The following PDZD2 variants were observed in gnomAD, a reference collection of about 807,000 sequenced individuals.
PDZD2 encodes the protein PDZ domain containing 2.
In PDZD2, 90 loss-of-function variants were observed where a neutral mutation model predicts 220.7. That is an observed-to-expected ratio of 0.41 (90% confidence interval 0.34 to 0.49). The LOEUF (loss-of-function observed/expected upper bound fraction) is 0.49, where lower values mean the gene tolerates loss of function less well. PDZD2 is among the 20% of genes least tolerant of loss of function. The probability of loss-of-function intolerance (pLI) is 0.28; values close to 1 mark genes in which losing one functional copy is unlikely to be tolerated. For synonymous variants in PDZD2, 1,375 were observed against 1,450.5 expected (o/e 0.95, Z 1.18); for missense variants, 3,174 against 3,608.5 (o/e 0.88, Z 3.08).
At chr5:31,847,837 G>A (rs1757676697) in intron 2 of PDZD2, 2 of 549,196 alleles carry the variant, frequency 3.6e-6, no homozygotes, top group African/African-American at 3.8e-5. Flanking sequence ...GGAACTTAAT[G>A]CAGAAGTTAA....
intron 2 of PDZD2, among the ~76,000 whole-genome samples, chr5:31,887,899 T>C (rs1740662743): frequency 6.6e-6 from 1 of 152,066 alleles, no homozygotes; most frequent in Admixed American, 6.6e-5. Flanking sequence ...CACATAGCTT[T>C]GAAAGGCTGC....
intron 14 of PDZD2, among the ~76,000 whole-genome samples, chr5:32,061,945 T>A (rs906448969): frequency 6.6e-6 from 1 of 152,212 alleles, no homozygotes; most frequent in African/African-American, 2.4e-5. Flanking sequence ...TTAAAAATAT[T>A]TTTTTAAATA....
At chr5:31,763,723 G>A (rs1441026501) in intron 1 of PDZD2, among the ~76,000 whole-genome samples, 3 of 151,986 alleles carry the variant, frequency 2.0e-5, no homozygotes, top group African/African-American at 7.3e-5. Flanking sequence ...GAAACCAGAG[G>A]CTCCTATACC....
At chr5:31,939,693 A>C (rs978400896) in intron 2 of PDZD2, among the ~76,000 whole-genome samples, 1 of 152,224 alleles carries the variant, frequency 6.6e-6, no homozygotes, top group Non-Finnish European at 1.5e-5. Context: ...CGTGCAAGCC[A>C]TGAGCAGCCC....
rs940470787 is a variant in PDZD2, at chr5:31,793,764, G to A, written c.-360-5125G>A. The stretch of plus-strand genomic sequence containing the variant: ...GGAGGTTGCAGTGAGCCCAGATCGC[G>A]CCATTGCACTCCAGCATGGGCAACA... On this transcript the variant is annotated intron_variant, in intron 1 of 24. Coordinates refer to ENST00000438447, the MANE Select transcript of PDZD2 (RefSeq NM_178140.4). 3.3e-5 allele frequency among the ~76,000 whole-genome samples: 5 copies of A among 152,164 alleles called. No homozygotes were observed. In the East Asian group the frequency reaches 5.8e-4, roughly 18 times the overall value.
chr5:31,725,637 T>A, intron 1 of PDZD2: 2 of 1,197,696 alleles, frequency 1.7e-6, no homozygotes, highest in Non-Finnish European at 2.5e-6. Context: ...CTTTTTTCCT[T>A]GATTCCTTTT....
chr5:31,875,899 T>C (rs900902565), intron 2 of PDZD2, among the ~76,000 whole-genome samples: 1 of 152,058 alleles, frequency 6.6e-6, no homozygotes, highest in Non-Finnish European at 1.5e-5. Flanking sequence ...TAATATTTGA[T>C]AGAATGAGTC....
intron 2 of PDZD2, among the ~76,000 whole-genome samples, chr5:31,884,538 T>C (rs2150340292): frequency 1.3e-5 from 2 of 152,262 alleles, no homozygotes; most frequent in African/African-American, 4.8e-5. Flanking sequence ...GGGATTCCAC[T>C]GCACTCCAGA....
chr5:32,092,322 C>CA (rs759166373), intron 20 of PDZD2, among the ~76,000 whole-genome samples: 1 of 146,756 alleles, frequency 6.8e-6, no homozygotes, highest in Non-Finnish European at 1.5e-5. Context: ...CCTATAGTCC[C>CA]AGCACTTTGG....
intron 3 of PDZD2, among the ~76,000 whole-genome samples, chr5:31,986,581 A>G (rs1445416460): frequency 6.7e-6 from 1 of 149,764 alleles, no homozygotes; most frequent in Non-Finnish European, 1.5e-5. Flanking sequence ...AGTCCAGGAC[A>G]GAGATCAAGG....
chr5:31,984,249 C>T (rs1750535284), intron 3 of PDZD2, among the ~76,000 whole-genome samples: 1 of 152,110 alleles, frequency 6.6e-6, no homozygotes, highest in East Asian at 1.9e-4. Context: ...CTATGAAATC[C>T]AGCTGTGAGG....
chr5:31,858,812 G>A (rs968545009), intron 2 of PDZD2, among the ~76,000 whole-genome samples: 5 of 147,564 alleles, frequency 3.4e-5, no homozygotes, highest in African/African-American at 7.4e-5. Context: ...TCTGCCTCCC[G>A]GGTTCAAGTG....
At chr5:31,823,854 G>A (rs1433787718) in intron 2 of PDZD2, among the ~76,000 whole-genome samples, 2 of 152,322 alleles carry the variant, frequency 1.3e-5, no homozygotes, top group East Asian at 1.9e-4. Context: ...AGCAGTTATT[G>A]TCAGTTTCTT....
At chr5:31,961,361 G>A (rs7703876) in intron 2 of PDZD2, among the ~76,000 whole-genome samples, 139,597 of 145,608 alleles carry the variant, frequency 0.96, 66,965 homozygotes, top group African/African-American at 0.99. Flanking sequence ...GCGAAACTCC[G>A]TCTCTACAAA....
chr5:31,876,022 T>C (rs1040850139), intron 2 of PDZD2, among the ~76,000 whole-genome samples: 2 of 152,188 alleles, frequency 1.3e-5, no homozygotes, highest in Non-Finnish European at 2.9e-5. Context: ...TACTGGAATT[T>C]CACTGAAGTT....
At chr5:31,971,615 A>G (rs1188779922) in intron 2 of PDZD2, among the ~76,000 whole-genome samples, 1 of 152,086 alleles carries the variant, frequency 6.6e-6, no homozygotes, top group East Asian at 1.9e-4. Context: ...TACCATTTTC[A>G]CTGCTATTCT....
chr5:31,791,217 C>T (rs1046770063), intron 1 of PDZD2, among the ~76,000 whole-genome samples: 1 of 152,070 alleles, frequency 6.6e-6, no homozygotes, highest in Admixed American at 6.6e-5. Flanking sequence ...GTCAAGAGGG[C>T]CTTTCTAAGC....
chr5:31,977,319 C>G (rs1241388880), intron 2 of PDZD2, among the ~76,000 whole-genome samples: 2 of 152,178 alleles, frequency 1.3e-5, no homozygotes, highest in African/African-American at 4.8e-5. Context: ...TTTGGCAAAA[C>G]AGTCAAATAT....
chr5:32,023,224 C>T (rs1356841012), intron 6 of PDZD2, among the ~76,000 whole-genome samples: 4 of 152,294 alleles, frequency 2.6e-5, no homozygotes, highest in African/African-American at 9.6e-5. Context: ...ATGTCATCCC[C>T]TCCTGCTCAC....
Sources: allele counts gnomAD v4.1 joint callset (sites outside exome capture counted in the v4.1 genomes callset), GRCh38; gene constraint gnomAD v4.1.1; transcripts MANE v1.5; gene names NCBI Gene and HGNC (gene_info 2026-07-23, HGNC 2026-07-21).